OCA2: variants seen among roughly 807,000 people sequenced by gnomAD.
OCA2 encodes the protein OCA2 melanosomal transmembrane protein.
Under a neutral mutation model 100.2 loss-of-function variants are expected in OCA2, and 77 were observed. That is an observed-to-expected ratio of 0.77 (90% CI 0.64 to 0.93). The LOEUF (loss-of-function observed/expected upper bound fraction) is 0.93. OCA2 is among the 40% of genes least tolerant of loss of function. The pLI, the probability that OCA2 is intolerant of heterozygous loss-of-function variation, is 0.00. For synonymous variants in OCA2, 432 were observed against 439.2 expected, an observed-to-expected ratio of 0.98 and a Z score of 0.21; for missense variants, 1,062 against 1,089.1, an observed-to-expected ratio of 0.98 and a Z score of 0.35.
chr15:27,828,901 A>C (rs1336088005), intron 23 of OCA2, among the ~76,000 whole-genome samples: 16 of 152,118 alleles, frequency 1.1e-4, no homozygotes, highest in Non-Finnish European at 1.5e-5. Context: ...CCGCCCTCTC[A>C]AGCGTGCTAG....
chr15:27,954,459 C>G (rs145482256), intron 17 of OCA2, among the ~76,000 whole-genome samples: 1 of 152,136 alleles, frequency 6.6e-6, no homozygotes, highest in Non-Finnish European at 1.5e-5. Flanking sequence ...AAAATAAGCA[C>G]GATAGATGTG....
At position 27,818,395 on chromosome 15, in the gene OCA2, T is replaced by C. The variant is rs1362138053; in HGVS notation, c.2432+26564A>G. Among the ~76,000 whole-genome samples, 5 of 152,192 alleles carry C rather than the reference T, an allele frequency of 3.3e-5. No homozygotes were observed. In the East Asian group the frequency reaches 5.8e-4, roughly 18 times the overall value. On this transcript the variant is annotated intron_variant, in intron 23 of 23. Transcript: ENST00000354638. ...CAGAGTGAGACTCCATCTCCAAAAA[T>C]AAATAAATTAATAAATTACATTAAA...
intron 2 of OCA2, among the ~76,000 whole-genome samples, chr15:28,049,056 T>C (rs1333787612): frequency 6.6e-6 from 1 of 152,112 alleles, no homozygotes; most frequent in Non-Finnish European, 1.5e-5. Context: ...ACCTATGGAA[T>C]TAAAGAAATT....
intron 14 of OCA2, among the ~76,000 whole-genome samples, chr15:27,970,541 G>A (rs2040741842): frequency 6.6e-6 from 1 of 151,568 alleles, no homozygotes; most frequent in African/African-American, 2.4e-5. Flanking sequence ...AAAATGTAAA[G>A]AATGTCCCAG....
chr15:27,859,648 G>A (rs145118000), intron 21 of OCA2, among the ~76,000 whole-genome samples: 1 of 152,172 alleles, frequency 6.6e-6, no homozygotes, highest in Non-Finnish European at 1.5e-5. Context: ...TGAAGAAGAG[G>A]GAATACTTCC....
chr15:27,757,906 G>T (rs2030515473), intron 23 of OCA2, among the ~76,000 whole-genome samples: 1 of 152,174 alleles, frequency 6.6e-6, no homozygotes, highest in Non-Finnish European at 1.5e-5. Flanking sequence ...GTTGTGTTTG[G>T]TGGTAAGGAA....
downstream of OCA2, among the ~76,000 whole-genome samples, chr15:27,751,174 T>C (rs188116545): frequency 3.3e-5 from 5 of 152,316 alleles, no homozygotes; most frequent in Middle Eastern, 3.4e-3. Flanking sequence ...CTCTGGTCCT[T>C]AAGACAGAAT....
At chr15:28,018,629 C>T in intron 6 of OCA2, 72 bp from the exon 7 acceptor site, 1 of 1,404,614 alleles carries the variant, frequency 7.1e-7, no homozygotes, top group Admixed American at 1.8e-5. Flanking sequence ...GCCAGACGCA[C>T]ACCCTCCTCT....
At chr15:27,819,504 A>G (rs1014400966) in intron 23 of OCA2, among the ~76,000 whole-genome samples, 8 of 152,364 alleles carry the variant, frequency 5.3e-5, no homozygotes, top group Middle Eastern at 3.4e-3. Flanking sequence ...ATGCCAATTA[A>G]GAATTCTGAA....
intron 16 of OCA2, among the ~76,000 whole-genome samples, chr15:27,956,854 G>C (rs534845401): frequency 1.3e-5 from 2 of 152,326 alleles, no homozygotes; most frequent in African/African-American, 4.8e-5. Flanking sequence ...CACCCATGCA[G>C]GGTGACCCCT....
At chr15:27,908,791 A>G (rs1442517055) in intron 19 of OCA2, among the ~76,000 whole-genome samples, 3 of 152,188 alleles carry the variant, frequency 2.0e-5, no homozygotes, top group Admixed American at 6.5e-5. Context: ...TCTGACACAT[A>G]AACATCCTCT....
chr15:27,863,212 T>G (rs2036201302), intron 21 of OCA2, among the ~76,000 whole-genome samples: 1 of 151,990 alleles, frequency 6.6e-6, no homozygotes, highest in African/African-American at 2.4e-5. Flanking sequence ...GGGGCATGGG[T>G]GAGGGATGCT....
downstream of OCA2, among the ~76,000 whole-genome samples, chr15:27,754,290 C>A (rs1482650162): frequency 1.3e-5 from 2 of 152,220 alleles, no homozygotes; most frequent in African/African-American, 4.8e-5. Flanking sequence ...GGACACCCAT[C>A]CTGAGGGCAC....
chr15:27,957,440 G>A lies in OCA2; in HGVS notation c.1784+148C>T. On this transcript the variant is annotated intron_variant, in intron 16 of 23. Transcript: ENST00000354638. The surrounding 1 kb of genome is among the most constrained non-coding windows in gnomAD (Gnocchi z 4.3). Reference sequence around the variant, plus strand: ...GTACCCCCTGCAGAGCTCAGTGAGGGTTAGATAAAATGTACTATAAGAGGC... The same window carrying A: ...GTACCCCCTGCAGAGCTCAGTGAGGATTAGATAAAATGTACTATAAGAGGC... The A allele has an allele frequency of 2.1e-6, 2 of 947,512 alleles. No individual in the cohort carries two copies. The highest frequency in any genetic ancestry group is 4.8e-5 in the East Asian group (2 of 41,356). The allele number at this position is 947,512 out of a possible 1,614,324, so 58.7% of individuals were successfully genotyped here.
chr15:27,727,214 G>C, the OCA2 span, among the ~76,000 whole-genome samples: 1 of 152,236 alleles, frequency 6.6e-6, no homozygotes, highest in Non-Finnish European at 1.5e-5. Context: ...GGCTGGAGCA[G>C]AGCAGGGAGT....
intron 18 of OCA2, among the ~76,000 whole-genome samples, chr15:27,946,186 A>C (rs1191976329): frequency 1.3e-5 from 2 of 152,182 alleles, no homozygotes; most frequent in Admixed American, 1.3e-4. Context: ...CACATAAAAA[A>C]ATCTGAATTT....
At chr15:27,772,869 T>C (rs1222984340) in intron 23 of OCA2, among the ~76,000 whole-genome samples, 1 of 146,824 alleles carries the variant, frequency 6.8e-6, no homozygotes, top group African/African-American at 2.5e-5. Context: ...AAAAAGAAAA[T>C]GGAGAGAACT....
intron 2 of OCA2, among the ~76,000 whole-genome samples, chr15:28,078,743 A>T (rs1566874629): frequency 6.6e-6 from 1 of 152,066 alleles, no homozygotes; most frequent in Non-Finnish European, 1.5e-5. Context: ...TTTCTGACCC[A>T]TGAAACTGAG....
rs186382827 is a variant in OCA2 at position 27,890,992 on chromosome 15, T to C, written c.2080-19070A>G. Among the ~76,000 whole-genome samples the C allele has an allele frequency of 1.0e-4, 15 of 150,070 alleles. 1 individual carries two copies. In the East Asian group the frequency reaches 2.7e-3, roughly 27 times the overall value. On this transcript the variant is annotated intron_variant, in intron 19 of 23. Transcript: ENST00000354638. ...GTGAGCCAAGATTGCACCACTGCAC[T>C]CCAGCCTGGAGACAGAGTGAGACTC... is the stretch of plus-strand genomic sequence containing the variant.
Sources: allele counts gnomAD v4.1 joint callset (sites outside exome capture counted in the v4.1 genomes callset), GRCh38; gene constraint gnomAD v4.1.1; non-coding constraint Gnocchi (gnomAD v3.1); transcripts MANE v1.5; gene names NCBI Gene and HGNC (gene_info 2026-07-23, HGNC 2026-07-21).